TLK1: variants seen among roughly 807,000 people sequenced by gnomAD.
TLK1 encodes the protein serine/threonine-protein kinase tousled-like 1.
TLK1 carries 24 observed loss-of-function variants against 105.3 expected under a neutral mutation model. That is an observed-to-expected ratio of 0.23 (90% CI 0.17 to 0.32). The LOEUF (loss-of-function observed/expected upper bound fraction) is 0.32. Ranked by LOEUF, TLK1 falls within the 10% of genes least tolerant of loss-of-function variation. The pLI, the probability that TLK1 is intolerant of heterozygous loss-of-function variation, is 1.00. For missense variants in TLK1, 558 were observed against 910.5 expected (o/e 0.61, Z 4.98); for synonymous variants, 321 against 310.4 (o/e 1.03, Z -0.36).
intron 3 of TLK1, chr2:171,081,835 C>A: frequency 1.9e-6 from 1 of 536,948 alleles, no homozygotes. Flanking sequence ...TAACACAGAG[C>A]TAAAAAGATG....
chr2:171,222,820 T>TATTC (rs1459110260), intron 1 of TLK1, among the ~76,000 whole-genome samples: 1 of 152,044 alleles, frequency 6.6e-6, no homozygotes, highest in Non-Finnish European at 1.5e-5. Flanking sequence ...TTTATTTATT[T>TATTC]ATTTATTTAT....
At chr2:171,013,210 A>C (rs1206222566) in intron 13 of TLK1, among the ~76,000 whole-genome samples, 1 of 150,220 alleles carries the variant, frequency 6.7e-6, no homozygotes, top group African/African-American at 2.5e-5. Context: ...ATGGGGTTTC[A>C]CCATGTTGGC....
intron 2 of TLK1, among the ~76,000 whole-genome samples, chr2:171,113,029 A>T (rs758563891): frequency 2.6e-5 from 4 of 152,140 alleles, no homozygotes; most frequent in Non-Finnish European, 4.4e-5. Flanking sequence ...AGAATTCCCA[A>T]ATGCTATCAA....
At chr2:171,023,414 T>TACATACAC (rs1553605870) in intron 12 of TLK1, among the ~76,000 whole-genome samples, 1 of 147,540 alleles carries the variant, frequency 6.8e-6, no homozygotes, top group African/African-American at 2.5e-5. Context: ...CACTCACACA[T>TACATACAC]ACACACACAC....
At chr2:171,150,148 A>C (rs879226346) in intron 1 of TLK1, among the ~76,000 whole-genome samples, 3 of 152,162 alleles carry the variant, frequency 2.0e-5, no homozygotes, top group Non-Finnish European at 4.4e-5. Context: ...ACCTGGTTCA[A>C]AAGTACATGC....
intron 13 of TLK1, among the ~76,000 whole-genome samples, chr2:171,014,327 C>A (rs1362323198): frequency 6.7e-6 from 1 of 149,812 alleles, no homozygotes; most frequent in Non-Finnish European, 1.5e-5. Flanking sequence ...AAATATAAAG[C>A]AAGGTAACGA....
intron 1 of TLK1, among the ~76,000 whole-genome samples, chr2:171,144,866 T>C (rs1025679855): frequency 6.6e-6 from 1 of 152,184 alleles, no homozygotes; most frequent in African/African-American, 2.4e-5. Context: ...TGCCTTCAAG[T>C]ATGGTTTTTA....
At chr2:171,140,566 C>G (rs1249197162) in intron 1 of TLK1, among the ~76,000 whole-genome samples, 1 of 152,110 alleles carries the variant, frequency 6.6e-6, no homozygotes, top group African/African-American at 2.4e-5. Context: ...AACCTCAGAG[C>G]AAAAGAATTA....
chr2:171,182,922 CAAAAAA>C (rs756752409), intron 1 of TLK1, among the ~76,000 whole-genome samples: 14 of 61,454 alleles, frequency 2.3e-4, no homozygotes, highest in African/African-American at 6.8e-4. Flanking sequence ...ACCCTGACTC[CAAAAAA>C]AAAAAAAAAA....
chr2:171,013,317 ACTTT>A (rs1204884718), intron 13 of TLK1, among the ~76,000 whole-genome samples: 2 of 90,994 alleles, frequency 2.2e-5, no homozygotes, highest in Admixed American at 1.1e-4. Flanking sequence ...CTGGCCCCTC[ACTTT>A]TTTTTTTTTT....
intron 1 of TLK1, among the ~76,000 whole-genome samples, chr2:171,153,504 C>T (rs992025963): frequency 6.6e-6 from 1 of 152,244 alleles, no homozygotes; most frequent in Non-Finnish European, 1.5e-5. Flanking sequence ...AGTGCCAACT[C>T]TGTAGAGGAT....
At chr2:171,132,533 C>T (rs1487154383) in intron 1 of TLK1, among the ~76,000 whole-genome samples, 13 of 152,184 alleles carry the variant, frequency 8.5e-5, no homozygotes, top group Non-Finnish European at 1.5e-5. Flanking sequence ...TCTAATAATA[C>T]AGCGTAGTGG....
In TLK1 at chr2:171,160,224, G is replaced by GT. The variant is rs1191737617; in HGVS notation, c.139+65_139+66insA. ...GCCCCGGGGCGGGGGGGGCGGGGGG[G>GT]GGGCGCGGGGGTCCGCGGCGCGGGA... On this transcript the variant is annotated intron_variant, in intron 1 of 20. Transcript: ENST00000431350. The surrounding 1 kb of genome is among the most constrained non-coding windows in gnomAD (Gnocchi z 4.4). The GT allele has an allele frequency of 7.8e-7, 1 of 1,285,490 alleles. No individual in the cohort carries two copies. The highest frequency in any genetic ancestry group is 1.6e-5 in the African/African-American group (1 of 63,276). The allele number at this position is 1,285,490 out of a possible 1,614,324, so 79.6% of individuals were successfully genotyped here.
intron 8 of TLK1, among the ~76,000 whole-genome samples, chr2:171,053,223 T>C (rs1332728326): frequency 2.6e-5 from 4 of 152,226 alleles, no homozygotes; most frequent in Admixed American, 6.5e-5. Context: ...GTTGGTCATA[T>C]AAATGTTATT....
chr2:171,203,653 G>A (rs541249353), intron 1 of TLK1, among the ~76,000 whole-genome samples: 5 of 152,218 alleles, frequency 3.3e-5, no homozygotes, highest in Non-Finnish European at 5.9e-5. Flanking sequence ...CTAGGAGCAT[G>A]AGCATTGAGA....
chr2:171,151,032 T>C (rs886670025), intron 1 of TLK1, among the ~76,000 whole-genome samples: 19 of 152,148 alleles, frequency 1.2e-4, no homozygotes, highest in Admixed American at 1.3e-4. Context: ...ACATTCCTTT[T>C]TTTTTTTTAG....
intron 2 of TLK1, among the ~76,000 whole-genome samples, chr2:171,100,687 G>A (rs774247913): frequency 6.6e-6 from 1 of 152,292 alleles, no homozygotes; most frequent in South Asian, 2.1e-4. Flanking sequence ...TGTTGACAGG[G>A]ATGTGGAGAA....
In TLK1 at chr2:171,160,203, C is replaced by CGGGGCGGGG. The variant is rs1293356711; in HGVS notation, c.139+78_139+86dup. ...ACCCCAGGGTCTGGCGGAGAAGCCC[C>CGGGGCGGGG]GGGGCGGGGGGGGCGGGGGGGGGGC... On this transcript the variant is annotated intron_variant, in intron 1 of 20. Coordinates refer to ENST00000431350, the MANE Select transcript of TLK1 (RefSeq NM_012290.5). This position sits in a 1 kb window ranked among gnomAD's most constrained non-coding sequence, Gnocchi z 4.4. The CGGGGCGGGG allele has an allele frequency of 0.029, 34,740 of 1,184,058 alleles. 628 individuals are homozygous for CGGGGCGGGG. Among genetic ancestry groups the CGGGGCGGGG allele is most frequent in the African/African-American group, 0.11 (4,274 of 40,464 alleles). 73.3% of individuals were successfully genotyped at this position (1,184,058 alleles called of 1,614,324 possible).
intron 3 of TLK1, among the ~76,000 whole-genome samples, chr2:171,077,825 T>C (rs1688580897): frequency 6.6e-6 from 1 of 152,238 alleles, no homozygotes; most frequent in Non-Finnish European, 1.5e-5. Context: ...AGAGTGATGA[T>C]ATCACGTTAT....
Sources: gnomAD v4.1 joint callset for allele counts (sites outside exome capture counted in the v4.1 genomes callset) on GRCh38, gnomAD v4.1.1 for gene constraint, Gnocchi (gnomAD v3.1) non-coding constraint, MANE v1.5 for transcripts, NCBI Gene and HGNC (gene_info 2026-07-23, HGNC 2026-07-21) for gene names.